The following CTNNA3 variants were observed in gnomAD, a reference collection of about 807,000 sequenced individuals.
CTNNA3 encodes the protein catenin alpha 3.
In CTNNA3, 76 loss-of-function variants were observed where a neutral mutation model predicts 95.7. The observed-to-expected ratio is 0.79, with a 90% confidence interval of 0.66 to 0.96. CTNNA3 has a LOEUF of 0.96. CTNNA3 is among the 40% of genes least tolerant of loss of function. The pLI, the probability that CTNNA3 is intolerant of heterozygous loss-of-function variation, is 0.00. For synonymous variants in CTNNA3, 431 were observed against 374.4 expected (o/e 1.15, Z -1.74); for missense variants, 1,191 against 1,089.8 (o/e 1.09, Z -1.31).
intron 9 of CTNNA3, among the ~76,000 whole-genome samples, chr10:66,693,149 T>TGA (rs1847619771): frequency 6.6e-6 from 1 of 152,112 alleles, no homozygotes; most frequent in South Asian, 2.1e-4. Context: ...GATGCTCCAA[T>TGA]TAAAAGACAC....
chr10:67,111,214 A>C (rs1002538077), intron 7 of CTNNA3, among the ~76,000 whole-genome samples: 9 of 152,186 alleles, frequency 5.9e-5, no homozygotes, highest in Admixed American at 2.0e-4. Flanking sequence ...GAAGAGGAAA[A>C]GCTTACATTA....
chr10:66,166,987 T>A (rs950637262), intron 13 of CTNNA3, among the ~76,000 whole-genome samples: 1 of 152,122 alleles, frequency 6.6e-6, no homozygotes, highest in Non-Finnish European at 1.5e-5. Context: ...AAAAAGGTGA[T>A]GTCACTTTAT....
chr10:66,290,622 CTATT>C (rs1304801536), intron 12 of CTNNA3, among the ~76,000 whole-genome samples: 2 of 152,106 alleles, frequency 1.3e-5, no homozygotes, highest in African/African-American at 4.8e-5. Flanking sequence ...CTTCATAAGA[CTATT>C]TATTTTTTAC....
intron 7 of CTNNA3, among the ~76,000 whole-genome samples, chr10:66,935,696 A>G (rs1231724326): frequency 6.6e-6 from 1 of 151,990 alleles, no homozygotes; most frequent in African/African-American, 2.4e-5. Context: ...TTTTGGTATA[A>G]TTGAGTCCTT....
At chr10:66,701,466 G>C (rs1015592667) in intron 9 of CTNNA3, among the ~76,000 whole-genome samples, 1 of 152,192 alleles carries the variant, frequency 6.6e-6, no homozygotes, top group East Asian at 1.9e-4. Context: ...CTTTAACACT[G>C]TTACAGTTTC....
chr10:67,567,857 C>T (rs969523189), intron 3 of CTNNA3, among the ~76,000 whole-genome samples: 1 of 152,064 alleles, frequency 6.6e-6, no homozygotes, highest in African/African-American at 2.4e-5. Context: ...GTGGAGCTTT[C>T]GAATCTATCA....
intron 3 of CTNNA3, among the ~76,000 whole-genome samples, chr10:67,555,113 T>C (rs888556132): frequency 6.6e-6 from 1 of 152,188 alleles, no homozygotes; most frequent in Non-Finnish European, 1.5e-5. Flanking sequence ...CATTGGTTGA[T>C]ATCTCTGTTT....
At chr10:66,418,028 T>C (rs2093160636) in intron 11 of CTNNA3, among the ~76,000 whole-genome samples, 2 of 149,870 alleles carry the variant, frequency 1.3e-5, no homozygotes, top group South Asian at 4.2e-4. Flanking sequence ...CAGAACTAAA[T>C]GAATCAGAAA....
intron 9 of CTNNA3, among the ~76,000 whole-genome samples, chr10:66,693,819 A>T (rs1362991220): frequency 6.6e-6 from 1 of 152,046 alleles, no homozygotes; most frequent in African/African-American, 2.4e-5. Context: ...ACTCAAAACC[A>T]CTCAACTACA....
rs186418024 is a variant in CTNNA3, at chr10:66,957,576, C to G, written c.1048-182052G>C. ...CTGGGTCCCAGTCCCAGCACTGGTG[C>G]TTACCAGAGCTGTGCCAGTCTGGAT... is the stretch of plus-strand genomic sequence containing the variant. On this transcript the variant is annotated intron_variant, in intron 7 of 17. Transcript: ENST00000433211. 8.6e-5 allele frequency among the ~76,000 whole-genome samples: 13 copies of G among 151,750 alleles called. No individual in the cohort carries two copies. The East Asian group carries it at 2.3e-3, about 27-fold the overall frequency.
intron 1 of CTNNA3, among the ~76,000 whole-genome samples, chr10:67,735,420 G>A (rs1173358101): frequency 6.6e-6 from 1 of 151,932 alleles, no homozygotes; most frequent in Non-Finnish European, 1.5e-5. Flanking sequence ...CATGATGACA[G>A]AACGGATATA....
At chr10:67,654,815 A>AT (rs1363278645) in intron 1 of CTNNA3, among the ~76,000 whole-genome samples, 1 of 152,106 alleles carries the variant, frequency 6.6e-6, no homozygotes, top group Non-Finnish European at 1.5e-5. Context: ...GCTCTCTGTT[A>AT]TTATTCTTTC....
chr10:66,781,438 CA>C (rs1840532153), intron 7 of CTNNA3, among the ~76,000 whole-genome samples: 2 of 152,054 alleles, frequency 1.3e-5, no homozygotes, highest in Non-Finnish European at 2.9e-5. Flanking sequence ...GACACACAAA[CA>C]GACAAGTATA....
At chr10:67,698,600 A>C (rs1251069367), upstream of CTNNA3, among the ~76,000 whole-genome samples, 1 of 152,162 alleles carries the variant, frequency 6.6e-6, no homozygotes. Context: ...CCATGAGTCC[A>C]TTTCATCTGT....
chr10:67,659,025 A>T (rs1194405650), intron 1 of CTNNA3, among the ~76,000 whole-genome samples: 2 of 152,290 alleles, frequency 1.3e-5, no homozygotes, highest in African/African-American at 4.8e-5. Context: ...TAATTAAATT[A>T]AAAAATGTGT....
At chr10:66,285,677 G>T (rs915300593) in intron 12 of CTNNA3, among the ~76,000 whole-genome samples, 20 of 151,326 alleles carry the variant, frequency 1.3e-4, no homozygotes, top group African/African-American at 3.6e-4. Context: ...ATTTTAAATT[G>T]TTAATAAATT....
intron 1 of CTNNA3, among the ~76,000 whole-genome samples, chr10:67,760,571 G>A (rs1313930672): frequency 6.6e-6 from 1 of 152,114 alleles, no homozygotes; most frequent in East Asian, 1.9e-4. Flanking sequence ...TACAGCCCAT[G>A]GTGTCCCCAA....
intron 12 of CTNNA3, among the ~76,000 whole-genome samples, chr10:66,378,816 G>A (rs1311924538): frequency 6.6e-6 from 1 of 152,152 alleles, no homozygotes; most frequent in East Asian, 1.9e-4. Flanking sequence ...ACAGTTAACA[G>A]AGGGTTTGGT....
At chr10:66,129,587 G>C (rs2082991331) in intron 13 of CTNNA3, among the ~76,000 whole-genome samples, 1 of 152,118 alleles carries the variant, frequency 6.6e-6, no homozygotes, top group African/African-American at 2.4e-5. Context: ...TCTGAGATGG[G>C]GTTGATTAGA....
Sources: gnomAD v4.1 joint callset for allele counts (sites outside exome capture counted in the v4.1 genomes callset) on GRCh38, gnomAD v4.1.1 for gene constraint, MANE v1.5 for transcripts, NCBI Gene and HGNC (gene_info 2026-07-23, HGNC 2026-07-21) for gene names.